The following CRLS1 variants were observed in gnomAD, a reference collection of about 807,000 sequenced individuals.
The protein encoded by CRLS1 is cardiolipin synthase (CMP-forming).
Under a neutral mutation model 37.0 loss-of-function variants are expected in CRLS1, and 24 were observed. The observed-to-expected ratio is 0.65, with a 90% CI of 0.47 to 0.91. CRLS1 has a LOEUF of 0.91. CRLS1 is among the 40% of genes least tolerant of loss of function. CRLS1 has a pLI of 0.00. For synonymous variants in CRLS1, 135 were observed against 159.7 expected (o/e 0.85, Z 1.17); for missense variants, 373 against 395.8 (o/e 0.94, Z 0.49).
At chr20:6,031,863 T>C in intron 4 of CRLS1, 149 bp from the exon 5 acceptor site, 2 of 535,894 alleles carry the variant, frequency 3.7e-6, no homozygotes, top group Non-Finnish European at 6.5e-6. Context: ...AATCTATACA[T>C]TTTTTAAAAT....
chr20:6,032,047 C>T lies in CRLS1; in HGVS notation c.696C>T (p.Ala232=), dbSNP rs1980203743. ...CCAAGTATTTCAATCCTTGCTATGC[C>T]ACTGCTAGGTTAAAACCAACATTCA... The part of the protein sequence containing the change: ...TLAKYFNPCY[A]TARLKPTFIS... The change falls in exon 5 of 7, where the codon GCC becomes GCT. Residue 232 remains alanine, a synonymous_variant. Transcript: ENST00000378863. 6.2e-7 allele frequency: 1 copy of T among 1,612,650 alleles called. No individual in the cohort carries two copies. Among genetic ancestry groups the T allele is most frequent in the African/African-American group, 1.3e-5 (1 of 75,012 alleles).
chr20:6,009,937 T>A, intron 2 of CRLS1, 25 bp downstream of exon 2: 1 of 1,608,244 alleles, frequency 6.2e-7, no homozygotes, highest in Middle Eastern at 1.7e-4. Flanking sequence ...CACTCCCAGT[T>A]TGCTCTCCTT....
Position 6,006,185 on chromosome 20 carries a change from C to T in CRLS1, c.-62C>T, listed in dbSNP as rs1242351580. On this transcript the variant is annotated 5_prime_UTR_variant, in exon 1 of 7. Transcript: ENST00000378863. ...GCCGGGTCTCCATGGAGAAGCGGCTCGCCAGTGTCCCAGGCTGCTGAGCTC... is the reference window on the plus strand; with the variant it reads ...GCCGGGTCTCCATGGAGAAGCGGCTTGCCAGTGTCCCAGGCTGCTGAGCTC... 6.4e-5 allele frequency: 64 copies of T among 998,208 alleles called. No homozygotes were observed. Among genetic ancestry groups the T allele is most frequent in the Non-Finnish European group, 7.7e-5 (60 of 780,414 alleles). 61.8% of individuals were successfully genotyped at this position (998,208 alleles called of 1,614,324 possible).
At chr20:6,022,066 T>C (rs557720657) in intron 3 of CRLS1, among the ~76,000 whole-genome samples, 1 of 152,204 alleles carries the variant, frequency 6.6e-6, no homozygotes, top group Admixed American at 6.5e-5. Context: ...TACTTTTTGC[T>C]AGTCTGTCTT....
Position 6,038,170 on chromosome 20 carries a change from C to G in CRLS1, c.*1012C>G, listed in dbSNP as rs1568635860. The G allele has an allele frequency of 6.6e-6, 1 of 152,158 alleles. No homozygotes were observed. The highest frequency in any genetic ancestry group is 1.5e-5 in the Non-Finnish European group (1 of 68,040). The allele number at this position is 152,158 out of a possible 1,614,324, so 9.4% of individuals were successfully genotyped here. ...TAAATTGTAAAAATAATTAGTCTGA[C>G]CATCTGACTTTAAAAGACTGTTGCT... On this transcript the variant is annotated 3_prime_UTR_variant, in exon 7 of 7. Transcript: ENST00000378863.
At chr20:6,019,456 G>A (rs1979037696) in intron 3 of CRLS1, among the ~76,000 whole-genome samples, 1 of 149,552 alleles carries the variant, frequency 6.7e-6, no homozygotes, top group African/African-American at 2.5e-5. Context: ...TTAACCTTTT[G>A]ATGTCTGTAG....
In CRLS1 at chr20:6,034,496, A is replaced by T; in HGVS notation, c.762A>T (p.Ala254=). 6.2e-7 allele frequency: 1 copy of T among 1,613,228 alleles called. No homozygotes were observed. The highest frequency in any genetic ancestry group is 8.5e-7 in the Non-Finnish European group (1 of 1,179,954). Residue 254 remains alanine, a synonymous_variant, in exon 6 of 7, where the codon GCA becomes GCT. Transcript: ENST00000378863. ...VNTAVQLILV[A]ASLAAPVFNY... ...CAGCAGTCCAGTTAATCTTGGTGGC[A>T]GCTTCTTTGGCAGCTCCAGTTTTCA...
chr20:6,038,114 A>T lies in CRLS1; in HGVS notation c.*956A>T, dbSNP rs1184168638. The T allele has an allele frequency of 6.6e-6, 1 of 152,226 alleles. No individual in the cohort carries two copies. Among genetic ancestry groups the T allele is most frequent in the Non-Finnish European group, 1.5e-5 (1 of 68,042 alleles). 9.4% of individuals were successfully genotyped at this position (152,226 alleles called of 1,614,324 possible). On this transcript the variant is annotated 3_prime_UTR_variant, in exon 7 of 7. Transcript: ENST00000378863. Reference sequence around the variant, plus strand: ...TGCTGTTACGTAAGTTTTCCGATTCACAGAGTCCATTCATGTACATCACTT... The same window carrying T: ...TGCTGTTACGTAAGTTTTCCGATTCTCAGAGTCCATTCATGTACATCACTT...
At chr20:6,019,360 G>C (rs927756326) in intron 3 of CRLS1, among the ~76,000 whole-genome samples, 4 of 151,916 alleles carry the variant, frequency 2.6e-5, no homozygotes, top group African/African-American at 9.7e-5. Flanking sequence ...CGGTGTTTAT[G>C]GTATCCTCAT....
chr20:6,035,524 A>C (rs1193376274), intron 6 of CRLS1, among the ~76,000 whole-genome samples: 2 of 146,002 alleles, frequency 1.4e-5, no homozygotes, highest in African/African-American at 5.0e-5. Context: ...CTAGGAACCC[A>C]TGAAGAGAGA....
At chr20:6,034,364 A>G (rs1980396123) in intron 5 of CRLS1, 100 bp from the exon 6 acceptor site, 1 of 733,046 alleles carries the variant, frequency 1.4e-6, no homozygotes, top group Non-Finnish European at 2.3e-6. Flanking sequence ...TGCTGAGGGT[A>G]TGTCATGTTA....
rs1163244897 is a variant in CRLS1, at chr20:6,038,056, A to G, written c.*898A>G. The G allele has an allele frequency of 6.6e-6, 1 of 152,200 alleles. No individual in the cohort carries two copies. Among genetic ancestry groups the G allele is most frequent in the East Asian group, 1.9e-4 (1 of 5,202 alleles). The allele number at this position is 152,200 out of a possible 1,614,324, so 9.4% of individuals were successfully genotyped here. The stretch of plus-strand genomic sequence containing the variant: ...AGCTGGAAAAAAAATTGTACCTTCA[A>G]CTCAGGTTGTTCCATATAACATACG... On this transcript the variant is annotated 3_prime_UTR_variant, in exon 7 of 7. Transcript: ENST00000378863.
At chr20:6,007,784 A>G (rs2090079039) in intron 1 of CRLS1, among the ~76,000 whole-genome samples, 1 of 152,218 alleles carries the variant, frequency 6.6e-6, no homozygotes, top group Non-Finnish European at 1.5e-5. Flanking sequence ...TAGTATGGTC[A>G]ACAGACTTAT....
chr20:6,031,439 T>C, intron 4 of CRLS1, 69 bp downstream of exon 4: 1 of 1,221,570 alleles, frequency 8.2e-7, no homozygotes, highest in Non-Finnish European at 1.2e-6. Context: ...AAAAGACATA[T>C]TTTTGCGTCA....
At chr20:6,014,403 T>C (rs774959950) in intron 2 of CRLS1, among the ~76,000 whole-genome samples, 2 of 152,252 alleles carry the variant, frequency 1.3e-5, no homozygotes, top group Non-Finnish European at 2.9e-5. Flanking sequence ...ACTTACTTGT[T>C]CTTTAAAATG....
rs1273858722 is a variant in CRLS1 at position 6,006,262 on chromosome 20, G to A, written c.16G>A (p.Val6Met). ...CCGCAGGGCCATGCTAGCCTTGCGCGTGGCGCGCGGCTCGTGGGGGGCCCT... is the reference window on the plus strand; with the variant it reads ...CCGCAGGGCCATGCTAGCCTTGCGCATGGCGCGCGGCTCGTGGGGGGCCCT... MLALR[V>M]ARGSWGALRG... The change falls in exon 1 of 7, where the codon GTG becomes ATG. Residue 6 changes from valine (V) to methionine (M), a missense_variant. Coordinates refer to ENST00000378863, the MANE Select transcript of CRLS1 (RefSeq NM_019095.6). The A allele has an allele frequency of 1.6e-6, 2 of 1,249,936 alleles. No homozygotes were observed. The highest frequency in any genetic ancestry group is 4.3e-5 in the Admixed American group (1 of 23,348). The allele number at this position is 1,249,936 out of a possible 1,614,324, so 77.4% of individuals were successfully genotyped here.
intron 3 of CRLS1, among the ~76,000 whole-genome samples, chr20:6,030,673 C>T (rs527560200): frequency 2.0e-5 from 3 of 151,926 alleles, no homozygotes; most frequent in East Asian, 1.9e-4. Context: ...GAGCCGATAC[C>T]GTGCCACTGC....
chr20:6,006,666 G>C, intron 1 of CRLS1, 114 bp downstream of exon 1: 1 of 1,210,792 alleles, frequency 8.3e-7, no homozygotes, highest in Non-Finnish European at 1.0e-6. Context: ...CTAACTTTTA[G>C]ACTCTTCCCT....
chr20:6,005,988 G>A, upstream of CRLS1: 1 of 322,884 alleles, frequency 3.1e-6, no homozygotes. Context: ...CACTGAGCCT[G>A]ATGCGCGCGC....
Sources: allele counts gnomAD v4.1 joint callset (sites outside exome capture counted in the v4.1 genomes callset), GRCh38; gene constraint gnomAD v4.1.1; transcripts MANE v1.5; gene names NCBI Gene and HGNC (gene_info 2026-07-23, HGNC 2026-07-21).